Variants in NUP210L observed in about 807,000 individuals in gnomAD.
The protein encoded by NUP210L is nuclear pore membrane glycoprotein 210-like.
NUP210L carries 74 observed loss-of-function variants against 208.5 expected under a neutral mutation model. That is an observed-to-expected ratio of 0.35 (90% CI 0.29 to 0.43). The LOEUF is 0.43. Ranked by LOEUF, NUP210L falls within the 20% of genes least tolerant of loss-of-function variation. NUP210L has a pLI of 1.00. For missense variants in NUP210L, 1,843 were observed against 2,289.4 expected (o/e 0.81, Z 3.98); for synonymous variants, 780 against 816.9 (o/e 0.95, Z 0.77).
exon 5 of NUP210L, chr1:154,139,849 T>C (rs1658745654): frequency 6.2e-7 from 1 of 1,613,872 alleles, no homozygotes; most frequent in African/African-American, 1.3e-5. Flanking sequence ...GCAGCACCAG[T>C]TCTAATCCCA....
At chr1:154,080,264 G>A (rs1437372414) in intron 16 of NUP210L, among the ~76,000 whole-genome samples, 1 of 151,966 alleles carries the variant, frequency 6.6e-6, no homozygotes, top group African/African-American at 2.4e-5. Context: ...GGAGGCTGAG[G>A]CAGGACAATC....
At chr1:154,143,446 C>T in exon 3 of NUP210L, 1 of 1,611,748 alleles carries the variant, frequency 6.2e-7, no homozygotes, top group South Asian at 1.1e-5. Context: ...AGTTCTTTAC[C>T]TTCAGCATCC....
intron 21 of NUP210L, 100 bp downstream of exon 21, chr1:154,058,464 TG>T: frequency 7.5e-7 from 1 of 1,338,508 alleles, no homozygotes; most frequent in Non-Finnish European, 1.0e-6. Flanking sequence ...CCAGAAGTCC[TG>T]GTATACACAC....
chr1:154,020,061 A>C (rs996226286), intron 32 of NUP210L, among the ~76,000 whole-genome samples: 2 of 152,214 alleles, frequency 1.3e-5, no homozygotes, highest in Non-Finnish European at 2.9e-5. Flanking sequence ...CCTGGATTGC[A>C]TGTTGGTAGT....
intron 25 of NUP210L, among the ~76,000 whole-genome samples, chr1:154,053,656 CTGCAGATAACTA>C (rs998415540): frequency 1.3e-5 from 2 of 152,248 alleles, no homozygotes; most frequent in African/African-American, 4.8e-5. Flanking sequence ...CATGTTCCTG[CTGCAGATAACTA>C]GCCAAAGCCC....
chr1:154,018,969 A>G, exon 33 of NUP210L: 1 of 1,614,140 alleles, frequency 6.2e-7, no homozygotes. Flanking sequence ...GGATGTCATG[A>G]AAAATCATTG....
intron 27 of NUP210L, 74 bp from the exon 28 acceptor site, chr1:154,030,128 T>C: frequency 9.3e-7 from 1 of 1,075,520 alleles, no homozygotes; most frequent in Non-Finnish European, 1.3e-6. Flanking sequence ...TTCACTTTTT[T>C]AATATTAAAT....
chr1:154,001,325 G>A (rs1417803122), intron 36 of NUP210L, among the ~76,000 whole-genome samples: 1 of 152,128 alleles, frequency 6.6e-6, no homozygotes, highest in African/African-American at 2.4e-5. Context: ...AGCCTCCCGA[G>A]TAGCTGGGAC....
chr1:154,097,706 C>T (rs936604921), intron 14 of NUP210L, among the ~76,000 whole-genome samples: 2 of 151,808 alleles, frequency 1.3e-5, no homozygotes, highest in South Asian at 2.1e-4. Flanking sequence ...AACATTTTTC[C>T]CTGTGGGTGC....
At chr1:154,081,020 A>G (rs1038901159) in intron 16 of NUP210L, among the ~76,000 whole-genome samples, 1 of 151,828 alleles carries the variant, frequency 6.6e-6, no homozygotes, top group Non-Finnish European at 1.5e-5. Flanking sequence ...AAAAAGAAGG[A>G]AGAAATGGAA....
intron 37 of NUP210L, among the ~76,000 whole-genome samples, chr1:153,996,781 G>T (rs12035990): frequency 1.3e-5 from 2 of 151,494 alleles, no homozygotes; most frequent in Non-Finnish European, 2.9e-5. Flanking sequence ...GTCCTACTCA[G>T]GATGTCATTT....
At chr1:153,994,920 G>A (rs1181968678) in intron 38 of NUP210L, among the ~76,000 whole-genome samples, 156 bp downstream of exon 38, 2 of 151,352 alleles carry the variant, frequency 1.3e-5, no homozygotes, top group Non-Finnish European at 2.9e-5. Context: ...GCTGAGGCAG[G>A]AGAATTGCTT....
intron 28 of NUP210L, among the ~76,000 whole-genome samples, chr1:154,028,868 G>T (rs1652055443): frequency 6.6e-6 from 1 of 152,016 alleles, no homozygotes. Flanking sequence ...GCCAAGGCGG[G>T]TGGATCACTT....
At chr1:154,040,116 A>G (rs145480085) in intron 27 of NUP210L, 2 of 152,298 alleles carry the variant, frequency 1.3e-5, no homozygotes, top group East Asian at 3.9e-4. Context: ...TGGAACTCCT[A>G]GTCTCAAATG....
intron 16 of NUP210L, among the ~76,000 whole-genome samples, chr1:154,074,488 A>ATT (rs113689298): frequency 1.2e-4 from 15 of 125,776 alleles, no homozygotes; most frequent in East Asian, 2.3e-4. Context: ...TGGGATCACG[A>ATT]TTTTTTTTTT....
intron 33 of NUP210L, among the ~76,000 whole-genome samples, chr1:154,017,097 A>G (rs551329562): frequency 2.0e-5 from 3 of 152,294 alleles, no homozygotes; most frequent in East Asian, 3.9e-4. Context: ...CCTGGCCAAC[A>G]TGGTGAAACC....
intron 35 of NUP210L, among the ~76,000 whole-genome samples, chr1:154,005,309 C>T (rs533415574): frequency 9.9e-5 from 15 of 151,878 alleles, no homozygotes; most frequent in African/African-American, 1.7e-4. Flanking sequence ...CTGCAACCTC[C>T]GTCTCCTGGG....
intron 37 of NUP210L, among the ~76,000 whole-genome samples, chr1:153,997,900 G>T (rs978946243): frequency 6.6e-6 from 1 of 151,602 alleles, no homozygotes; most frequent in Non-Finnish European, 1.5e-5. Context: ...AGTAGAGACG[G>T]GGTTTCACCA....
intron 25 of NUP210L, among the ~76,000 whole-genome samples, chr1:154,052,910 T>C (rs1653607373): frequency 1.3e-5 from 2 of 152,238 alleles, no homozygotes; most frequent in South Asian, 2.1e-4. Flanking sequence ...TCAGCTGGTC[T>C]GAACAAAATG....
Sources: allele counts gnomAD v4.1 joint callset (sites outside exome capture counted in the v4.1 genomes callset), GRCh38; gene constraint gnomAD v4.1.1; transcripts MANE v1.5; gene names NCBI Gene and HGNC (gene_info 2026-07-23, HGNC 2026-07-21).